KLHL2: variants seen among roughly 807,000 people sequenced by gnomAD.
KLHL2 encodes kelch-like protein 2.
KLHL2 carries 15 observed loss-of-function variants against 75.8 expected under a neutral mutation model. That is an observed-to-expected ratio of 0.20 (90% CI 0.13 to 0.30). The LOEUF is 0.30. Among genes scored for constraint, KLHL2 ranks in the 10% least tolerant of loss-of-function variants. The pLI is 1.00. For missense variants in KLHL2, 381 were observed against 741.0 expected (o/e 0.51, Z 5.64); for synonymous variants, 214 against 251.9 (o/e 0.85, Z 1.42).
intron 4 of KLHL2, among the ~76,000 whole-genome samples, chr4:165,251,333 CA>C (rs1232780765): frequency 5.9e-5 from 9 of 151,522 alleles, no homozygotes; most frequent in Admixed American, 5.9e-4. Flanking sequence ...AATTATTTAC[CA>C]TTTGAGTTTT....
chr4:165,283,544 G>A (rs548018339), intron 5 of KLHL2, among the ~76,000 whole-genome samples: 146 of 152,346 alleles, frequency 9.6e-4, no homozygotes, highest in African/African-American at 3.4e-3. Context: ...TCACATCCAG[G>A]TGACACTGAT....
chr4:165,264,248 T>C (rs1311754850), intron 5 of KLHL2, among the ~76,000 whole-genome samples: 2 of 151,828 alleles, frequency 1.3e-5, no homozygotes, highest in Non-Finnish European at 2.9e-5. Context: ...GCTTTAGGAG[T>C]ACAAGTGGTT....
At chr4:165,223,907 AG>A (rs1271222333) in intron 2 of KLHL2, 1 of 447,522 alleles carries the variant, frequency 2.2e-6, no homozygotes, top group Non-Finnish European at 4.5e-6. Context: ...ACTGTACCCC[AG>A]GTAAGTTTTT....
chr4:165,235,833 G>A (rs1463349360), intron 3 of KLHL2, among the ~76,000 whole-genome samples: 1 of 152,236 alleles, frequency 6.6e-6, no homozygotes, highest in East Asian at 1.9e-4. Context: ...TTCAACAAGA[G>A]CATCAGGGGT....
At chr4:165,277,888 T>C in intron 5 of KLHL2, 2 of 838,130 alleles carry the variant, frequency 2.4e-6, no homozygotes, top group Non-Finnish European at 4.2e-6. Context: ...AAAATCAAAG[T>C]CTATGAATAG....
At chr4:165,313,955 TTAAA>T in intron 12 of KLHL2, 67 bp from the exon 13 acceptor site, 8 of 1,453,558 alleles carry the variant, frequency 5.5e-6, no homozygotes, top group Admixed American at 2.3e-5. Flanking sequence ...TACAAGTCAT[TTAAA>T]TAAACCTAAT....
In KLHL2 at chr4:165,279,662, C is replaced by T. The variant is rs769373573; in HGVS notation, c.545-14697C>T. 7 of 1,608,846 alleles carry T rather than the reference C, an allele frequency of 4.4e-6. No individual in the cohort carries two copies. In the South Asian group the frequency reaches 7.7e-5, roughly 18 times the overall value. On this transcript the variant is annotated intron_variant, in intron 5 of 14. Coordinates refer to ENST00000226725, the MANE Select transcript of KLHL2 (RefSeq NM_007246.4). ...GGCTGCCATGAAACCAGCTTCAGGT[C>T]CGCCCGCGTTTGCGGCCGGTTTCCT...
chr4:165,209,873 A>G, intron 1 of KLHL2: 1 of 551,004 alleles, frequency 1.8e-6, no homozygotes, highest in Non-Finnish European at 3.1e-6. Flanking sequence ...GTTATTTGCC[A>G]TTCTGTGGAT....
intron 10 of KLHL2, 106 bp downstream of exon 10, chr4:165,310,856 T>A: frequency 9.7e-6 from 1 of 102,758 alleles, no homozygotes; most frequent in Non-Finnish European, 1.8e-5. Flanking sequence ...GTTTTTTGTG[T>A]TTTTTTTTTT....
At position 165,233,946 on chromosome 4, in the gene KLHL2, C is replaced by A. The variant is rs894246895; in HGVS notation, c.260-4832C>A. Among the ~76,000 whole-genome samples, 7 of 152,310 alleles carry A rather than the reference C, an allele frequency of 4.6e-5. 2 individuals are homozygous for A. The South Asian group carries it at 1.0e-3, about 23-fold the overall frequency. ...GCTTGAAAATTTCATCAAGAATCTTCTTCTGTCTCTCTACCCTTCTATCCT... is the reference window on the plus strand; with the variant it reads ...GCTTGAAAATTTCATCAAGAATCTTATTCTGTCTCTCTACCCTTCTATCCT... On this transcript the variant is annotated intron_variant, in intron 3 of 14. Coordinates refer to ENST00000226725, the MANE Select transcript of KLHL2 (RefSeq NM_007246.4).
chr4:165,207,606 G>C lies in KLHL2; in HGVS notation c.-271G>C, dbSNP rs1236141274. The C allele has an allele frequency of 6.7e-6, 1 of 149,284 alleles. No homozygotes were observed. The highest frequency in any genetic ancestry group is 2.4e-5 in the African/African-American group (1 of 41,016). 9.2% of individuals were successfully genotyped at this position (149,284 alleles called of 1,614,324 possible). A position where few individuals can be genotyped will look rare whatever the true frequency, so the allele number is the denominator to read the frequency against. On this transcript the variant is annotated 5_prime_UTR_variant, in exon 1 of 15. Transcript: ENST00000226725. This position sits in a 1 kb window ranked among gnomAD's most constrained non-coding sequence, Gnocchi z 4.2. ...GCCGGCCGGGGCCGAACCCGGAAGTGGCCGAGCCCGCGCGCCCGCCGGTCC... is the reference window on the plus strand; with the variant it reads ...GCCGGCCGGGGCCGAACCCGGAAGTCGCCGAGCCCGCGCGCCCGCCGGTCC...
At chr4:165,236,570 C>G (rs538497053) in intron 3 of KLHL2, among the ~76,000 whole-genome samples, 39 of 152,290 alleles carry the variant, frequency 2.6e-4, no homozygotes, top group African/African-American at 7.5e-4. Context: ...CAAAGCCATA[C>G]TGTTTAAAGA....
intron 5 of KLHL2, among the ~76,000 whole-genome samples, chr4:165,291,694 C>T (rs1744519835): frequency 1.3e-5 from 2 of 152,174 alleles, no homozygotes; most frequent in African/African-American, 4.8e-5. Context: ...ACAGTCATCC[C>T]TTGGTATCCA....
intron 2 of KLHL2, among the ~76,000 whole-genome samples, chr4:165,226,176 G>A (rs1332434179): frequency 1.3e-5 from 2 of 152,176 alleles, no homozygotes; most frequent in African/African-American, 4.8e-5. Context: ...AAATCCCCAG[G>A]TCACAAAAGA....
chr4:165,264,236 T>C (rs1741957366), intron 5 of KLHL2, among the ~76,000 whole-genome samples: 1 of 152,026 alleles, frequency 6.6e-6, no homozygotes, highest in South Asian at 2.1e-4. Context: ...TTTATTCTAA[T>C]AGCTTTAGGA....
intron 12 of KLHL2, among the ~76,000 whole-genome samples, 175 bp downstream of exon 12, chr4:165,313,541 T>C (rs1045380665): frequency 6.6e-6 from 1 of 152,198 alleles, no homozygotes; most frequent in Non-Finnish European, 1.5e-5. Context: ...ACAAAGTAAT[T>C]TTACTTTAAA....
At chr4:165,230,841 A>G (rs1279548891) in intron 3 of KLHL2, among the ~76,000 whole-genome samples, 6 of 152,236 alleles carry the variant, frequency 3.9e-5, no homozygotes, top group Admixed American at 2.0e-4. Flanking sequence ...ATGGTTCTCT[A>G]TGCTTCATGA....
At chr4:165,273,381 G>T (rs970140746) in intron 5 of KLHL2, among the ~76,000 whole-genome samples, 6 of 152,172 alleles carry the variant, frequency 3.9e-5, no homozygotes, top group Non-Finnish European at 7.3e-5. Context: ...TATCTTTGGT[G>T]TATTGATAAC....
intron 5 of KLHL2, chr4:165,279,068 C>T (rs1242278656): frequency 3.9e-6 from 6 of 1,519,054 alleles, no homozygotes; most frequent in South Asian, 2.2e-5. Context: ...ACAGTGGACA[C>T]CTCCATTGAC....
Sources: allele counts gnomAD v4.1 joint callset (sites outside exome capture counted in the v4.1 genomes callset), GRCh38; gene constraint gnomAD v4.1.1; non-coding constraint Gnocchi (gnomAD v3.1); transcripts MANE v1.5; gene names NCBI Gene and HGNC (gene_info 2026-07-23, HGNC 2026-07-21).